CNTNAP2: variants seen among roughly 807,000 people sequenced by gnomAD.
CNTNAP2 encodes contactin-associated protein-like 2.
Under a neutral mutation model 155.2 loss-of-function variants are expected in CNTNAP2, and 98 were observed. That is an observed-to-expected ratio of 0.63 (90% CI 0.54 to 0.75). CNTNAP2 has a LOEUF of 0.75. Among genes scored for constraint, CNTNAP2 ranks in the 30% least tolerant of loss-of-function variants. The pLI, the probability that CNTNAP2 is intolerant of heterozygous loss-of-function variation, is 0.00. For synonymous variants in CNTNAP2, 651 were observed against 631.2 expected, an observed-to-expected ratio of 1.03 and a Z score of -0.47; for missense variants, 1,727 against 1,688.1, an observed-to-expected ratio of 1.02 and a Z score of -0.40.
chr7:147,280,107 G>A (rs932459541), intron 8 of CNTNAP2, among the ~76,000 whole-genome samples: 3 of 151,822 alleles, frequency 2.0e-5, no homozygotes, highest in African/African-American at 7.2e-5. Context: ...TCTTTCTTGT[G>A]TAACCATAAC....
intron 4 of CNTNAP2, among the ~76,000 whole-genome samples, chr7:147,095,616 TCTTG>T (rs1800515232): frequency 6.6e-6 from 1 of 152,146 alleles, no homozygotes; most frequent in African/African-American, 2.4e-5. Flanking sequence ...TCATTGTTTT[TCTTG>T]CTTCTTTCTT....
At chr7:147,131,051 T>TGTGTATATAG (rs1563087447) in intron 7 of CNTNAP2, among the ~76,000 whole-genome samples, 1 of 148,794 alleles carries the variant, frequency 6.7e-6, no homozygotes, top group African/African-American at 2.5e-5. Flanking sequence ...CACATATATA[T>TGTGTATATAG]ATGTGTATAT....
At chr7:147,375,667 G>A (rs956793179) in intron 9 of CNTNAP2, among the ~76,000 whole-genome samples, 4 of 151,924 alleles carry the variant, frequency 2.6e-5, no homozygotes, top group African/African-American at 7.3e-5. Flanking sequence ...AGCTCACCTC[G>A]CACAGATACC....
At chr7:147,912,004 TA>T (rs1015379136) in intron 14 of CNTNAP2, among the ~76,000 whole-genome samples, 8 of 152,222 alleles carry the variant, frequency 5.3e-5, no homozygotes, top group African/African-American at 1.9e-4. Flanking sequence ...AATTTTATAT[TA>T]AAAGTATTCA....
chr7:147,400,136 T>C (rs996408980), intron 10 of CNTNAP2, among the ~76,000 whole-genome samples: 3 of 152,160 alleles, frequency 2.0e-5, no homozygotes, highest in Middle Eastern at 3.2e-3. Flanking sequence ...TGTGAAAACC[T>C]GAGAGCCCAA....
chr7:146,221,053 C>A (rs73739568), intron 1 of CNTNAP2, among the ~76,000 whole-genome samples: 1 of 152,114 alleles, frequency 6.6e-6, no homozygotes, highest in African/African-American at 2.4e-5. Flanking sequence ...TGCATTATAC[C>A]ACAGGTTGGT....
intron 1 of CNTNAP2, among the ~76,000 whole-genome samples, chr7:146,130,054 GT>G (rs1358887707): frequency 6.6e-6 from 1 of 152,164 alleles, no homozygotes; most frequent in East Asian, 1.9e-4. Context: ...ATATTTAGTG[GT>G]TTTGGAATTA....
chr7:147,337,553 A>C (rs1415961592), intron 9 of CNTNAP2, among the ~76,000 whole-genome samples: 1 of 152,176 alleles, frequency 6.6e-6, no homozygotes, highest in African/African-American at 2.4e-5. Context: ...CAATATAAAA[A>C]AAAGTTTGAA....
chr7:146,516,603 G>A (rs2129136536), intron 1 of CNTNAP2, among the ~76,000 whole-genome samples: 1 of 151,972 alleles, frequency 6.6e-6, no homozygotes, highest in South Asian at 2.1e-4. Flanking sequence ...ATTAGTCTAT[G>A]TCTGTAATCT....
chr7:146,718,309 G>T (rs576498763), intron 1 of CNTNAP2, among the ~76,000 whole-genome samples: 2 of 152,134 alleles, frequency 1.3e-5, no homozygotes, highest in South Asian at 4.2e-4. Context: ...CTTCTTATAA[G>T]CTTAGGCTAA....
At chr7:146,882,824 G>T (rs1562986043) in intron 3 of CNTNAP2, among the ~76,000 whole-genome samples, 4 of 152,072 alleles carry the variant, frequency 2.6e-5, no homozygotes, top group African/African-American at 9.7e-5. Context: ...TTTTACAATA[G>T]CTACAAAAAG....
chr7:148,344,979 A>G (rs1177923), intron 21 of CNTNAP2, among the ~76,000 whole-genome samples: 54,462 of 152,080 alleles, frequency 0.36, 10,281 homozygotes, highest in Non-Finnish European at 0.41. Flanking sequence ...TAGGGCTGCA[A>G]CACAGTCCCC....
At chr7:147,684,683 T>A (rs902017265) in intron 13 of CNTNAP2, among the ~76,000 whole-genome samples, 1 of 151,930 alleles carries the variant, frequency 6.6e-6, no homozygotes, top group East Asian at 1.9e-4. Context: ...AACTGCATCA[T>A]GCTCTAGTCT....
At chr7:147,078,916 AT>A (rs1393878025) in intron 4 of CNTNAP2, among the ~76,000 whole-genome samples, 2 of 151,336 alleles carry the variant, frequency 1.3e-5, no homozygotes, top group Admixed American at 6.6e-5. Context: ...TGCCCAGCTA[AT>A]TTTTTTTATT....
chr7:146,721,889 A>ATATATATATTTTTTTTTTTTT, intron 1 of CNTNAP2, among the ~76,000 whole-genome samples: 2 of 69,708 alleles, frequency 2.9e-5, no homozygotes, highest in African/African-American at 3.8e-4. Flanking sequence ...ATATATATAT[A>ATATATATATTTTTTTTTTTTT]TTTTTTTTTT....
chr7:148,011,685 G>T (rs1373108383), intron 15 of CNTNAP2, among the ~76,000 whole-genome samples: 2 of 152,168 alleles, frequency 1.3e-5, no homozygotes, highest in African/African-American at 4.8e-5. Context: ...ACATAATCTA[G>T]GTTGGGTTTA....
At chr7:147,931,517 G>C (rs1800503901) in intron 14 of CNTNAP2, among the ~76,000 whole-genome samples, 1 of 152,168 alleles carries the variant, frequency 6.6e-6, no homozygotes, top group East Asian at 1.9e-4. Flanking sequence ...CAATATCCCT[G>C]CTGAACATAG....
intron 1 of CNTNAP2, among the ~76,000 whole-genome samples, chr7:146,707,950 T>A (rs1800994667): frequency 6.6e-6 from 1 of 152,132 alleles, no homozygotes; most frequent in South Asian, 2.1e-4. Context: ...AGCGACATTT[T>A]TGATTATGTA....
chr7:146,822,575 TATTTTCTA>T (rs1252292058), intron 2 of CNTNAP2, among the ~76,000 whole-genome samples: 1 of 150,806 alleles, frequency 6.6e-6, no homozygotes, highest in East Asian at 1.9e-4. Flanking sequence ...GAGTATTAAG[TATTTTCTA>T]ATGAGACCTT....
Sources: allele counts gnomAD v4.1 joint callset (sites outside exome capture counted in the v4.1 genomes callset), GRCh38; gene constraint gnomAD v4.1.1; transcripts MANE v1.5; gene names NCBI Gene and HGNC (gene_info 2026-07-23, HGNC 2026-07-21).